The following PTPRU variants were observed in gnomAD, a reference collection of about 807,000 sequenced individuals.
PTPRU encodes receptor-type tyrosine-protein phosphatase U.
Under a neutral mutation model 166.3 loss-of-function variants are expected in PTPRU, and 69 were observed. The observed-to-expected ratio is 0.41, with a 90% CI of 0.34 to 0.51. The LOEUF (loss-of-function observed/expected upper bound fraction) is 0.51. Among genes scored for constraint, PTPRU ranks in the 20% least tolerant of loss-of-function variants. The pLI is 0.09. For missense variants in PTPRU, 1,657 were observed against 2,013.7 expected, an observed-to-expected ratio of 0.82 and a Z score of 3.39; for synonymous variants, 793 against 814.0, an observed-to-expected ratio of 0.97 and a Z score of 0.44.
At position 29,291,741 on chromosome 1, in the gene PTPRU, G is replaced by T; in HGVS notation, c.2319-128G>T. ...ATGGGGGCAGAGCCCTCAGCATCCA[G>T]AGATGCTTCTAGGACAGCTGCTGGC... On this transcript the variant is annotated intron_variant, in intron 14 of 29. Transcript: ENST00000373779. This position sits in a 1 kb window ranked among gnomAD's most constrained non-coding sequence, Gnocchi z 4.1. 1.0e-6 allele frequency: 1 copy of T among 956,992 alleles called. No homozygotes were observed. The allele number at this position is 956,992 out of a possible 1,614,324, so 59.3% of individuals were successfully genotyped here.
chr1:29,256,837 A>G (rs921315276), intron 2 of PTPRU, among the ~76,000 whole-genome samples: 4 of 152,152 alleles, frequency 2.6e-5, no homozygotes, highest in African/African-American at 4.8e-5. Context: ...GACCACCCTG[A>G]GTGCACACTG....
chr1:29,323,309 G>T, intron 26 of PTPRU, 62 bp from the exon 27 acceptor site: 1 of 1,568,856 alleles, frequency 6.4e-7, no homozygotes, highest in East Asian at 2.3e-5. Flanking sequence ...GGGTGGGCAT[G>T]GCTGTGGGGT....
Position 29,258,584 on chromosome 1 carries a change from T to C in PTPRU, c.285T>C (p.Asn95=). The C allele has an allele frequency of 5.0e-6, 8 of 1,614,248 alleles. No individual in the cohort carries two copies. Among genetic ancestry groups the C allele is most frequent in the Non-Finnish European group, 5.9e-6 (7 of 1,180,036 alleles). The change falls in exon 3 of 30, where the codon AAT becomes AAC. Residue 95 remains asparagine, a synonymous_variant. Transcript: ENST00000373779. ...TCATCTTCCAGAGCCTGAGCGAGAA[T>C]GATACCCACTGTGTGCAGTTCAGCT... The part of the protein sequence containing the change: ...AHVIFQSLSE[N]DTHCVQFSYF...
intron 8 of PTPRU, among the ~76,000 whole-genome samples, chr1:29,277,287 G>A (rs1203595740): frequency 1.3e-5 from 2 of 152,232 alleles, no homozygotes; most frequent in East Asian, 3.9e-4. Flanking sequence ...TTTTAGTAGA[G>A]ACAGGGTTTC....
chr1:29,245,999 C>T (rs138663626), intron 1 of PTPRU, among the ~76,000 whole-genome samples: 7 of 152,394 alleles, frequency 4.6e-5, no homozygotes, highest in Admixed American at 2.0e-4. Context: ...CACAACATTG[C>T]ATCTTGGCAT....
rs778910187 is a variant in PTPRU at position 29,323,674 on chromosome 1, G to A, written c.3998G>A (p.Arg1333His). The change falls in exon 28 of 30, where the codon CGC becomes CAC. Residue 1333 changes from arginine to histidine, a missense_variant. Arg to His is a conservative substitution (Grantham distance 29, BLOSUM62 0). Coordinates refer to ENST00000373779, the MANE Select transcript of PTPRU (RefSeq NM_133178.4). ...CTGGTGCGGCACTTCCAGTTCCTGC[G>A]CTGGTCTGCATACCGGGACACACCT... ...HLLVRHFQFL[R>H]WSAYRDTPDS... The A allele has an allele frequency of 6.8e-6, 11 of 1,614,124 alleles. No individual in the cohort carries two copies. Among genetic ancestry groups the A allele is most frequent in the East Asian group, 4.5e-5 (2 of 44,880 alleles).
Position 29,274,934 on chromosome 1 carries a change from C to CA in PTPRU, c.1145-513dup, listed in dbSNP as rs1162508632. Among the ~76,000 whole-genome samples, 13 of 151,544 alleles carry CA rather than the reference C, an allele frequency of 8.6e-5. 1 individual carries two copies. The highest frequency in any genetic ancestry group is 1.8e-4 in the Non-Finnish European group (12 of 67,968). ...GCGTGGTGGTGTACGCCTGTAATCC[C>CA]AGCTACTTGGGAGTCTGAGGTGGAA... is the stretch of plus-strand genomic sequence containing the variant. On this transcript the variant is annotated intron_variant, in intron 7 of 29. Coordinates refer to ENST00000373779, the MANE Select transcript of PTPRU (RefSeq NM_133178.4).
intron 7 of PTPRU, among the ~76,000 whole-genome samples, chr1:29,264,208 A>G (rs1685189908): frequency 2.0e-5 from 3 of 151,564 alleles, no homozygotes; most frequent in African/African-American, 7.2e-5. Context: ...TATTCTGGAC[A>G]CTAGATGCTT....
At chr1:29,265,971 C>G (rs1165912628) in intron 7 of PTPRU, among the ~76,000 whole-genome samples, 1 of 147,404 alleles carries the variant, frequency 6.8e-6, no homozygotes, top group Non-Finnish European at 1.5e-5. Flanking sequence ...AGTCTAAGAA[C>G]TCCTTGCCTA....
intron 14 of PTPRU, 107 bp downstream of exon 14, chr1:29,284,976 G>A (rs968606348): frequency 2.1e-6 from 3 of 1,417,678 alleles, no homozygotes; most frequent in African/African-American, 2.9e-5. Flanking sequence ...TCCTGCAGGT[G>A]TGTGGAGGGC....
intron 7 of PTPRU, among the ~76,000 whole-genome samples, chr1:29,265,918 A>G (rs576366786): frequency 6.6e-6 from 1 of 151,932 alleles, no homozygotes; most frequent in South Asian, 2.1e-4. Context: ...GATGAGGTTC[A>G]ATTTGTAAAA....
chr1:29,301,343 C>T (rs1433013956), intron 15 of PTPRU, among the ~76,000 whole-genome samples: 2 of 152,192 alleles, frequency 1.3e-5, no homozygotes, highest in Non-Finnish European at 2.9e-5. Context: ...TCGTGCAATG[C>T]ATTATTCACT....
At position 29,323,440 on chromosome 1, in the gene PTPRU, G is replaced by A; in HGVS notation, c.3898G>A (p.Gly1300Ser). The A allele has an allele frequency of 6.2e-7, 1 of 1,609,850 alleles. No individual in the cohort carries two copies. Residue 1300 changes from glycine to serine, a missense_variant, in exon 27 of 30, where the codon GGC becomes AGC. Around this residue, in one of 3 missense-constraint regions of PTPRU, gnomAD observed 1,190 missense variants for 1,477.4 expected, o/e 0.81. Transcript: ENST00000373779. Reference protein sequence around the residue: ...YGLMEVEFMSGTADEDLVARV... With the variant: ...YGLMEVEFMSSTADEDLVARV... ...CCTCATGGAGGTGGAGTTTATGTCG[G>A]GCACAGCTGATGAAGACTTAGTGGC...
intron 1 of PTPRU, among the ~76,000 whole-genome samples, chr1:29,243,065 T>C (rs186302757): frequency 1.2e-3 from 186 of 152,194 alleles, no homozygotes; most frequent in Non-Finnish European, 1.7e-3. Context: ...GCTCGGCTAA[T>C]TTTTTGTATT....
Position 29,264,076 on chromosome 1 carries a change from AG to A in PTPRU, c.1144+3175del, listed in dbSNP as rs1685183116. Among the ~76,000 whole-genome samples, 5 of 152,030 alleles carry A rather than the reference AG, an allele frequency of 3.3e-5. 1 individual carries two copies. The highest frequency in any genetic ancestry group is 3.3e-4 in the Admixed American group (5 of 15,246). ...GTTGTCCCAGCTACTCAGGAGGCTG[AG>A]GCACAAGAATCGCTTGAACCCGGGA... On this transcript the variant is annotated intron_variant, in intron 7 of 29. Coordinates refer to ENST00000373779, the MANE Select transcript of PTPRU (RefSeq NM_133178.4).
chr1:29,273,811 T>G (rs1338325673), intron 7 of PTPRU, among the ~76,000 whole-genome samples: 7 of 152,138 alleles, frequency 4.6e-5, no homozygotes, highest in African/African-American at 1.7e-4. Flanking sequence ...CGCTCTCTCC[T>G]GAGGCATCAG....
chr1:29,288,632 G>A lies in PTPRU; in HGVS notation c.2319-3237G>A, dbSNP rs893734489. Among the ~76,000 whole-genome samples the A allele has an allele frequency of 3.9e-5, 6 of 152,102 alleles. No individual in the cohort carries two copies. In the South Asian group the frequency reaches 8.3e-4, roughly 21 times the overall value. On this transcript the variant is annotated intron_variant, in intron 14 of 29. Transcript: ENST00000373779. ...TCCTGCCTTTGCTGGTCCGTCTTCC[G>A]CTCTCCTCCCCTTCATCTGCAGGAT... is the stretch of plus-strand genomic sequence containing the variant.
At chr1:29,307,625 T>A (rs1175366671) in intron 18 of PTPRU, among the ~76,000 whole-genome samples, 1 of 152,238 alleles carries the variant, frequency 6.6e-6, no homozygotes, top group Non-Finnish European at 1.5e-5. Flanking sequence ...CTTTCCCTAG[T>A]GTTCAAATAC....
chr1:29,287,348 T>G (rs184650323), intron 14 of PTPRU, among the ~76,000 whole-genome samples: 11 of 152,264 alleles, frequency 7.2e-5, no homozygotes, highest in Admixed American at 5.9e-4. Context: ...CTCCCTGCAC[T>G]TTGTCATTTA....
Sources: gnomAD v4.1 joint callset for allele counts (sites outside exome capture counted in the v4.1 genomes callset) on GRCh38, gnomAD v4.1.1 for gene constraint, gnomAD v4.1.1 regional missense constraint, Gnocchi (gnomAD v3.1) non-coding constraint, MANE v1.5 for transcripts, NCBI Gene and HGNC (gene_info 2026-07-23, HGNC 2026-07-21) for gene names.